Variants in AGAP1 observed in about 807,000 individuals in gnomAD.
AGAP1 encodes ArfGAP with GTPase domain, ankyrin repeat and PH domain 1, also known as arf-GAP with GTPase, ANK repeat and PH domain-containing protein 1.
In AGAP1, 29 loss-of-function variants were observed where a neutral mutation model predicts 105.3. The ratio of observed to expected loss-of-function variants is 0.28; its 90% confidence interval spans 0.21 to 0.38. AGAP1 has a LOEUF of 0.38. Ranked by LOEUF, AGAP1 falls within the 10% of genes least tolerant of loss-of-function variation. AGAP1 has a pLI of 1.00. For missense variants in AGAP1, 998 were observed against 1,165.1 expected (o/e 0.86, Z 2.09); for synonymous variants, 509 against 485.9 (o/e 1.05, Z -0.63).
chr2:235,718,510 T>G, intron 3 of AGAP1: 3 of 666,102 alleles, frequency 4.5e-6, no homozygotes, highest in Non-Finnish European at 5.6e-6. Context: ...CTGTTTTGTT[T>G]CATTTTATCT....
At position 235,750,398 on chromosome 2, in the gene AGAP1, G is replaced by T. The variant is rs1953331795; in HGVS notation, c.583G>T (p.Ala195Ser). ...CCCGAGGGTCATCGATGACGCCAGG[G>T]CGAGGAAGCTCTCCAACGACCTGAA... The part of the protein sequence containing the change: ...ANPRVIDDAR[A>S]RKLSNDLKRC... Residue 195 changes from alanine (A) to serine (S), a missense_variant, in exon 6 of 18, where the codon GCG (alanine) becomes TCG (serine). Transcript: ENST00000304032. The surrounding 1 kb of genome is among the most constrained non-coding windows in gnomAD (Gnocchi z 5.3). 1.2e-6 allele frequency: 2 copies of T among 1,614,104 alleles called. No homozygotes were observed. Among genetic ancestry groups the T allele is most frequent in the Non-Finnish European group, 1.7e-6 (2 of 1,180,056 alleles).
chr2:236,116,334 G>A (rs1209748950), intron 16 of AGAP1, among the ~76,000 whole-genome samples: 2 of 145,344 alleles, frequency 1.4e-5, no homozygotes, highest in Non-Finnish European at 3.0e-5. Context: ...TTGGGGTACA[G>A]GTGGTATTTG....
intron 16 of AGAP1, among the ~76,000 whole-genome samples, chr2:236,079,370 T>TA (rs3030747): frequency 0.054 from 6,903 of 127,466 alleles, 223 homozygotes; most frequent in Non-Finnish European, 0.078. Context: ...AAAGAAAATT[T>TA]AAAAAAAAAA....
At chr2:235,748,432 A>C (rs550717029) in intron 5 of AGAP1, among the ~76,000 whole-genome samples, 2 of 152,246 alleles carry the variant, frequency 1.3e-5, no homozygotes, top group Admixed American at 6.5e-5. Context: ...TAAAAAAAAA[A>C]CTTTCTTTTC....
At chr2:235,880,748 A>C (rs934522177) in intron 9 of AGAP1, among the ~76,000 whole-genome samples, 4 of 152,086 alleles carry the variant, frequency 2.6e-5, no homozygotes, top group Admixed American at 6.5e-5. Context: ...TCAAAAAAAA[A>C]AAAAACAAAA....
rs558551797 is a variant in AGAP1, at chr2:236,128,414, C to G, written c.*4292C>G. 1.3e-5 allele frequency: 2 copies of G among 152,392 alleles called. No individual in the cohort carries two copies. Among genetic ancestry groups the G allele is most frequent in the African/African-American group, 2.4e-5 (1 of 41,452 alleles). The allele number at this position is 152,392 out of a possible 1,614,324, so 9.4% of individuals were successfully genotyped here. A position where few individuals can be genotyped will look rare whatever the true frequency, so the allele number is the denominator to read the frequency against. On this transcript the variant is annotated 3_prime_UTR_variant, in exon 18 of 18. Coordinates refer to ENST00000304032, the MANE Select transcript of AGAP1 (RefSeq NM_001037131.3). This position sits in a 1 kb window ranked among gnomAD's most constrained non-coding sequence, Gnocchi z 5.9. ...CGTTGCCATGAGCCGCTGTGACTCA[C>G]GCGTGCACTGGGCCTTGCTTGGTGC... is the stretch of plus-strand genomic sequence containing the variant.
chr2:235,497,313 A>C (rs1941358762), intron 1 of AGAP1, among the ~76,000 whole-genome samples: 1 of 152,340 alleles, frequency 6.6e-6, no homozygotes, highest in East Asian at 1.9e-4. Flanking sequence ...CTGGCAACTA[A>C]GCCTGCGCTG....
At chr2:236,102,296 G>A (rs979574923) in intron 16 of AGAP1, among the ~76,000 whole-genome samples, 48 of 147,200 alleles carry the variant, frequency 3.3e-4, no homozygotes, top group South Asian at 7.0e-4. Context: ...GGGTGCCTGT[G>A]GTCCGAGCCA....
In AGAP1 at chr2:235,786,276, T is replaced by C. The variant is rs375709139; in HGVS notation, c.674-11483T>C. Among the ~76,000 whole-genome samples the C allele has an allele frequency of 1.1e-3, 166 of 152,334 alleles. 3 individuals are homozygous for C. Among genetic ancestry groups the C allele is most frequent in the Middle Eastern group, 6.8e-3 (2 of 294 alleles). On this transcript the variant is annotated intron_variant, in intron 6 of 17. Coordinates refer to ENST00000304032, the MANE Select transcript of AGAP1 (RefSeq NM_001037131.3). The stretch of plus-strand genomic sequence containing the variant: ...TCATCTCCTGGCCTTTTGAACAGAT[T>C]TGTACTGTGTTTAATTGTAGCATTT...
chr2:235,752,755 T>G lies in AGAP1; in HGVS notation c.673+2267T>G, dbSNP rs963967107. On this transcript the variant is annotated intron_variant, in intron 6 of 17. Transcript: ENST00000304032. The surrounding 1 kb of genome is among the most constrained non-coding windows in gnomAD (Gnocchi z 4.3). ...AGTTTTCCATAAATTGATGAGTGCT[T>G]CTTATAAAAATAATGTTGTCAATTA... Among the ~76,000 whole-genome samples the G allele has an allele frequency of 6.6e-6, 1 of 152,056 alleles. No homozygotes were observed. The highest frequency in any genetic ancestry group is 2.4e-5 in the African/African-American group (1 of 41,294).
At chr2:235,925,289 G>T (rs1039339369) in intron 11 of AGAP1, among the ~76,000 whole-genome samples, 1 of 152,136 alleles carries the variant, frequency 6.6e-6, no homozygotes, top group African/African-American at 2.4e-5. Context: ...ATACAGACAT[G>T]CCTGCAAAGA....
At chr2:235,537,839 G>A (rs761094587) in intron 1 of AGAP1, among the ~76,000 whole-genome samples, 13 of 151,744 alleles carry the variant, frequency 8.6e-5, no homozygotes, top group East Asian at 1.9e-4. Context: ...TCTGTCTCTC[G>A]CCCTCCATTT....
At chr2:235,924,529 C>T (rs976742533) in intron 11 of AGAP1, among the ~76,000 whole-genome samples, 5 of 152,156 alleles carry the variant, frequency 3.3e-5, no homozygotes, top group African/African-American at 4.8e-5. Context: ...TTCTGCATAC[C>T]GGGTCCCATC....
chr2:235,934,643 C>T lies in AGAP1; in HGVS notation c.1483+3720C>T, dbSNP rs1196498510. ...TTAAGAGCTTTCTGTCATGCTCTTT[C>T]TTCTTAAGTTGCCGGTGATATAAGT... On this transcript the variant is annotated intron_variant, in intron 12 of 17. Coordinates refer to ENST00000304032, the MANE Select transcript of AGAP1 (RefSeq NM_001037131.3). This position sits in a 1 kb window ranked among gnomAD's most constrained non-coding sequence, Gnocchi z 4.9. 6.6e-6 allele frequency among the ~76,000 whole-genome samples: 1 copy of T among 152,200 alleles called. No homozygotes were observed. Among genetic ancestry groups the T allele is most frequent in the African/African-American group, 2.4e-5 (1 of 41,450 alleles).
At chr2:235,742,073 G>T (rs1455674144) in intron 4 of AGAP1, among the ~76,000 whole-genome samples, 1 of 152,188 alleles carries the variant, frequency 6.6e-6, no homozygotes, top group Non-Finnish European at 1.5e-5. Context: ...CTTCAAAGGA[G>T]CCGAGAGCTG....
chr2:235,917,090 A>G (rs1045129506), intron 11 of AGAP1, among the ~76,000 whole-genome samples: 2 of 152,120 alleles, frequency 1.3e-5, no homozygotes, highest in Non-Finnish European at 2.9e-5. Flanking sequence ...TTTTGCAACT[A>G]TGGATATGTT....
intron 9 of AGAP1, among the ~76,000 whole-genome samples, chr2:235,848,586 G>A (rs1030102421): frequency 1.3e-5 from 2 of 152,142 alleles, no homozygotes; most frequent in African/African-American, 4.8e-5. Flanking sequence ...CATTACTCTC[G>A]AGAATAATAC....
chr2:235,661,661 G>C (rs536357693), intron 1 of AGAP1, among the ~76,000 whole-genome samples: 1 of 152,190 alleles, frequency 6.6e-6, no homozygotes, highest in East Asian at 1.9e-4. Flanking sequence ...GAGCATCTCA[G>C]GGTGGGGTCA....
Position 235,893,162 on chromosome 2 carries a change from A to T in AGAP1, c.1155+9713A>T, listed in dbSNP as rs1251905681. ...GCGTAGTGTGCACCGTGTCCATCAT[A>T]AGGGAGCGCTGTGTCTTTGGCGCGG... On this transcript the variant is annotated intron_variant, in intron 10 of 17. Transcript: ENST00000304032. This position sits in a 1 kb window ranked among gnomAD's most constrained non-coding sequence, Gnocchi z 4.7. Among the ~76,000 whole-genome samples the T allele has an allele frequency of 6.8e-6, 1 of 147,496 alleles. No homozygotes were observed. The highest frequency in any genetic ancestry group is 1.5e-5 in the Non-Finnish European group (1 of 67,162).
Sources: allele counts gnomAD v4.1 joint callset (sites outside exome capture counted in the v4.1 genomes callset), GRCh38; gene constraint gnomAD v4.1.1; non-coding constraint Gnocchi (gnomAD v3.1); transcripts MANE v1.5; gene names NCBI Gene and HGNC (gene_info 2026-07-23, HGNC 2026-07-21).